Variants in ASIC2 observed in about 807,000 individuals in gnomAD.
The protein encoded by ASIC2 is acid sensing ion channel subunit 2.
Under a neutral mutation model 57.3 loss-of-function variants are expected in ASIC2, and 25 were observed. That is an observed-to-expected ratio of 0.44 (90% confidence interval 0.32 to 0.61). The LOEUF (loss-of-function observed/expected upper bound fraction) is 0.61. ASIC2 is among the 20% of genes least tolerant of loss of function. The pLI, the probability that ASIC2 is intolerant of heterozygous loss-of-function variation, is 0.06. For missense variants in ASIC2, 641 were observed against 738.1 expected, an observed-to-expected ratio of 0.87 and a Z score of 1.52; for synonymous variants, 319 against 307.5, an observed-to-expected ratio of 1.04 and a Z score of -0.39.
chr17:33,016,327 G>A (rs3025250), intron 8 of ASIC2, among the ~76,000 whole-genome samples: 120 of 152,330 alleles, frequency 7.9e-4, no homozygotes, highest in African/African-American at 2.4e-3. Context: ...TTAGTAAGTG[G>A]TGTGTGCTGG....
intron 1 of ASIC2, among the ~76,000 whole-genome samples, chr17:33,506,767 G>T (rs1359420497): frequency 3.9e-5 from 6 of 152,118 alleles, no homozygotes; most frequent in African/African-American, 1.4e-4. Context: ...TGTAAAATGG[G>T]GCTAATCATG....
At chr17:33,877,794 A>T (rs925486576) in intron 1 of ASIC2, among the ~76,000 whole-genome samples, 19 of 152,196 alleles carry the variant, frequency 1.2e-4, no homozygotes, top group Admixed American at 3.3e-4. Flanking sequence ...AGATCTGAGA[A>T]CAGACAGACT....
chr17:33,315,639 A>G (rs1356394124), intron 1 of ASIC2, among the ~76,000 whole-genome samples: 2 of 152,226 alleles, frequency 1.3e-5, no homozygotes, highest in Non-Finnish European at 2.9e-5. Flanking sequence ...TTAAGGGAGG[A>G]AATTTTTTCT....
At chr17:34,041,317 C>T (rs1908124147) in intron 1 of ASIC2, 2 of 152,218 alleles carry the variant, frequency 1.3e-5, no homozygotes, top group African/African-American at 4.8e-5. Flanking sequence ...AGGAGAGCCT[C>T]TGAACATTAA....
intron 1 of ASIC2, among the ~76,000 whole-genome samples, chr17:33,288,164 T>C (rs528140573): frequency 6.6e-6 from 1 of 152,134 alleles, no homozygotes; most frequent in South Asian, 2.1e-4. Context: ...CATGTGCCTG[T>C]GTGAGGATTG....
intron 1 of ASIC2, among the ~76,000 whole-genome samples, chr17:33,783,717 A>G (rs1045917496): frequency 6.6e-6 from 1 of 152,202 alleles, no homozygotes; most frequent in African/African-American, 2.4e-5. Context: ...AGTTTGAAAA[A>G]ACATGAATGA....
chr17:33,385,062 C>T (rs1359324768), intron 1 of ASIC2, among the ~76,000 whole-genome samples: 1 of 152,200 alleles, frequency 6.6e-6, no homozygotes, highest in Non-Finnish European at 1.5e-5. Flanking sequence ...TCTGGGGCTA[C>T]TTGTCTGTAA....
At chr17:33,299,888 A>G (rs1346043293) in intron 1 of ASIC2, among the ~76,000 whole-genome samples, 1 of 152,124 alleles carries the variant, frequency 6.6e-6, no homozygotes, top group East Asian at 1.9e-4. Flanking sequence ...TAACCCTTTC[A>G]CTTTCAGCGG....
At chr17:33,176,635 A>G (rs181071828) in intron 1 of ASIC2, among the ~76,000 whole-genome samples, 2 of 152,350 alleles carry the variant, frequency 1.3e-5, no homozygotes, top group East Asian at 3.9e-4. Flanking sequence ...ATGAGCCACA[A>G]TGCCTGGCCT....
chr17:33,953,675 A>T (rs1904646965), intron 1 of ASIC2, among the ~76,000 whole-genome samples: 1 of 151,784 alleles, frequency 6.6e-6, no homozygotes, highest in South Asian at 2.1e-4. Flanking sequence ...GGGAAATTTC[A>T]ACAACAAGGT....
At chr17:33,714,985 T>TTTATTATTATTATTATTATTATTA (rs71364615) in intron 1 of ASIC2, among the ~76,000 whole-genome samples, 82 of 142,208 alleles carry the variant, frequency 5.8e-4, no homozygotes, top group South Asian at 9.1e-4. Context: ...GCCAGGCTAA[T>TTTATTATTATTATTATTATTATTA]TTATTATTAT....
At chr17:33,969,770 A>G (rs1905173439) in intron 1 of ASIC2, among the ~76,000 whole-genome samples, 1 of 152,122 alleles carries the variant, frequency 6.6e-6, no homozygotes, top group Non-Finnish European at 1.5e-5. Flanking sequence ...GCTGAGAAAA[A>G]GCCCTGGGGC....
At chr17:33,450,065 G>A (rs186958158) in intron 1 of ASIC2, among the ~76,000 whole-genome samples, 4 of 152,076 alleles carry the variant, frequency 2.6e-5, no homozygotes, top group Non-Finnish European at 4.4e-5. Context: ...CACCACACCC[G>A]GCCATCACAA....
intron 1 of ASIC2, among the ~76,000 whole-genome samples, chr17:33,910,475 G>T (rs1915438099): frequency 1.3e-5 from 2 of 152,188 alleles, no homozygotes; most frequent in Admixed American, 1.3e-4. Context: ...GAGAGGATTT[G>T]CATTATTCTT....
intron 1 of ASIC2, among the ~76,000 whole-genome samples, chr17:34,147,680 T>C (rs913319382): frequency 6.6e-5 from 10 of 152,186 alleles, no homozygotes; most frequent in African/African-American, 1.9e-4. Flanking sequence ...TGATGTAGGC[T>C]TGGTCTCAGG....
At chr17:33,592,206 A>G (rs923744348) in intron 1 of ASIC2, among the ~76,000 whole-genome samples, 3 of 152,170 alleles carry the variant, frequency 2.0e-5, no homozygotes, top group African/African-American at 4.8e-5. Context: ...TACCACTTGC[A>G]TTATCTGTTC....
intron 1 of ASIC2, among the ~76,000 whole-genome samples, chr17:33,668,272 CTTT>C (rs397856474): frequency 0.029 from 1,772 of 61,366 alleles, 55 homozygotes; most frequent in African/African-American, 0.075. Flanking sequence ...ATCAAATGTT[CTTT>C]TTTTTTTTTT....
At chr17:34,040,386 C>T (rs1025602014) in intron 1 of ASIC2, among the ~76,000 whole-genome samples, 3 of 88,470 alleles carry the variant, frequency 3.4e-5, no homozygotes, top group African/African-American at 2.0e-4. Flanking sequence ...GAGATTTGCA[C>T]GGCTGGGAGG....
chr17:33,325,781 T>G (rs530354139), intron 1 of ASIC2, among the ~76,000 whole-genome samples: 19 of 152,060 alleles, frequency 1.2e-4, no homozygotes, highest in African/African-American at 4.6e-4. Context: ...GGAGGGGCAG[T>G]GGTGATGGGA....
Sources: allele counts gnomAD v4.1 joint callset (sites outside exome capture counted in the v4.1 genomes callset), GRCh38; gene constraint gnomAD v4.1.1; transcripts MANE v1.5; gene names NCBI Gene and HGNC (gene_info 2026-07-23, HGNC 2026-07-21).